Variants in PTPRU observed in about 807,000 individuals in gnomAD.
The protein encoded by PTPRU is protein tyrosine phosphatase receptor type U.
Under a neutral mutation model 166.3 loss-of-function variants are expected in PTPRU, and 69 were observed. That is an observed-to-expected ratio of 0.41 (90% confidence interval 0.34 to 0.51). PTPRU has a LOEUF of 0.51. Among genes scored for constraint, PTPRU ranks in the 20% least tolerant of loss-of-function variants. PTPRU has a pLI of 0.09. For synonymous variants in PTPRU, 793 were observed against 814.0 expected, an observed-to-expected ratio of 0.97 and a Z score of 0.44; for missense variants, 1,657 against 2,013.7, an observed-to-expected ratio of 0.82 and a Z score of 3.39.
intron 12 of PTPRU, 148 bp downstream of exon 12, chr1:29,283,097 C>A: frequency 8.6e-7 from 1 of 1,157,980 alleles, no homozygotes; most frequent in Non-Finnish European, 1.2e-6. Context: ...ATAGCTCCTC[C>A]TCCTACAGCC....
At chr1:29,245,842 G>A (rs114857087) in intron 1 of PTPRU, among the ~76,000 whole-genome samples, 1 of 152,174 alleles carries the variant, frequency 6.6e-6, no homozygotes, top group Non-Finnish European at 1.5e-5. Flanking sequence ...TGGCCACATT[G>A]CATGTTTGTG....
intron 1 of PTPRU, among the ~76,000 whole-genome samples, chr1:29,243,325 C>T (rs1397241983): frequency 3.9e-5 from 6 of 152,202 alleles, no homozygotes; most frequent in African/African-American, 1.4e-4. Context: ...AAACCCAAAC[C>T]CTAGCATAGC....
chr1:29,296,972 C>T (rs1240432673), intron 15 of PTPRU, among the ~76,000 whole-genome samples: 2 of 151,226 alleles, frequency 1.3e-5, no homozygotes, highest in African/African-American at 4.9e-5. Flanking sequence ...CAGTGTTATG[C>T]ACTTATTAAT....
At chr1:29,288,391 GC>G (rs375014579) in intron 14 of PTPRU, among the ~76,000 whole-genome samples, 6 of 152,282 alleles carry the variant, frequency 3.9e-5, no homozygotes, top group African/African-American at 1.4e-4. Context: ...GGTGTTGGGG[GC>G]AAAGAGAATA....
intron 18 of PTPRU, among the ~76,000 whole-genome samples, chr1:29,309,551 G>A (rs1445688452): frequency 2.0e-5 from 3 of 152,158 alleles, no homozygotes; most frequent in African/African-American, 7.2e-5. Flanking sequence ...AATAGTAGTA[G>A]TAATAATAAT....
rs1358340585 is a variant in PTPRU, at chr1:29,326,584, GGTAGGACCA to G, written c.*926_*934del. 1 of 152,510 alleles carries G rather than the reference GGTAGGACCA, an allele frequency of 6.6e-6. No homozygotes were observed. The highest frequency in any genetic ancestry group is 1.9e-4 in the East Asian group (1 of 5,178). The allele number at this position is 152,510 out of a possible 1,614,324, so 9.4% of individuals were successfully genotyped here. ...ATACCCTCTGGAGTTCAGAGGAAGAGGTAGGACCAGTGCTTTTTTGTTTCTTTTGTTATT... is the reference window on the plus strand; with the variant it reads ...ATACCCTCTGGAGTTCAGAGGAAGAGGTGCTTTTTTGTTTCTTTTGTTATT... On this transcript the variant is annotated 3_prime_UTR_variant, in exon 30 of 30. Transcript: ENST00000373779.
At chr1:29,300,044 G>T (rs541587287) in intron 15 of PTPRU, among the ~76,000 whole-genome samples, 1 of 152,312 alleles carries the variant, frequency 6.6e-6, no homozygotes, top group South Asian at 2.1e-4. Context: ...CTCGCTGTGT[G>T]CCAGGCACGG....
intron 15 of PTPRU, among the ~76,000 whole-genome samples, chr1:29,294,775 A>G (rs1179792262): frequency 6.6e-6 from 1 of 152,082 alleles, no homozygotes; most frequent in Admixed American, 6.5e-5. Flanking sequence ...TATTTTTTCC[A>G]TGGTGATAAG....
At position 29,259,355 on chromosome 1, in the gene PTPRU, C is replaced by G; in HGVS notation, c.559+13C>G. 1 of 1,613,250 alleles carries G rather than the reference C, an allele frequency of 6.2e-7. No homozygotes were observed. The highest frequency in any genetic ancestry group is 1.1e-5 in the South Asian group (1 of 91,002). ...AGCTACCCCTGCGGTGAGTCCCAGC[C>G]CACTGGGGGCGCAGGGGTAAGGGGT... On this transcript the variant is annotated intron_variant, in intron 4 of 29. Coordinates refer to ENST00000373779, the MANE Select transcript of PTPRU (RefSeq NM_133178.4).
chr1:29,304,121 T>C (rs1414469781), intron 16 of PTPRU, 76 bp downstream of exon 16: 2 of 1,504,032 alleles, frequency 1.3e-6, no homozygotes, highest in East Asian at 2.3e-5. Flanking sequence ...ACTCTGACCC[T>C]GGCAACCCTC....
At chr1:29,285,936 C>G (rs190696290) in intron 14 of PTPRU, among the ~76,000 whole-genome samples, 6 of 152,232 alleles carry the variant, frequency 3.9e-5, no homozygotes, top group Non-Finnish European at 7.3e-5. Flanking sequence ...CAAGGCTACC[C>G]GGAGAGCCAG....
At chr1:29,252,930 G>A (rs1684619917) in intron 1 of PTPRU, among the ~76,000 whole-genome samples, 1 of 152,170 alleles carries the variant, frequency 6.6e-6, no homozygotes, top group Admixed American at 6.5e-5. Flanking sequence ...CCCATGGGTT[G>A]AGGGCTCAGT....
chr1:29,283,498 C>T (rs1342696126), intron 12 of PTPRU, among the ~76,000 whole-genome samples: 2 of 152,112 alleles, frequency 1.3e-5, no homozygotes, highest in Non-Finnish European at 2.9e-5. Flanking sequence ...AGATGCTTCT[C>T]TTCCCAGAGG....
chr1:29,313,669 A>C (rs941663385), intron 22 of PTPRU, among the ~76,000 whole-genome samples: 3 of 152,148 alleles, frequency 2.0e-5, no homozygotes, highest in African/African-American at 7.2e-5. Context: ...CAGCCTGGGC[A>C]ACATAGTGAG....
chr1:29,254,999 A>T (rs1308141922), intron 1 of PTPRU, among the ~76,000 whole-genome samples: 1 of 152,108 alleles, frequency 6.6e-6, no homozygotes, highest in East Asian at 1.9e-4. Flanking sequence ...AGGGTCTTTG[A>T]TGGATGACTG....
At chr1:29,243,064 A>AT (rs1470811712) in intron 1 of PTPRU, among the ~76,000 whole-genome samples, 2 of 151,932 alleles carry the variant, frequency 1.3e-5, no homozygotes, top group African/African-American at 4.8e-5. Context: ...CGCTCGGCTA[A>AT]TTTTTTGTAT....
At chr1:29,256,899 G>A (rs1165267418) in intron 2 of PTPRU, among the ~76,000 whole-genome samples, 1 of 152,140 alleles carries the variant, frequency 6.6e-6, no homozygotes, top group South Asian at 2.1e-4. Flanking sequence ...AGGGGAGAGG[G>A]GAATTTAGCA....
intron 15 of PTPRU, among the ~76,000 whole-genome samples, chr1:29,298,739 G>A (rs1408824989): frequency 1.3e-5 from 2 of 152,196 alleles, no homozygotes; most frequent in Non-Finnish European, 2.9e-5. Context: ...GAGCAGTGGG[G>A]ACAGCAGGGT....
chr1:29,261,492 C>T (rs1413301282), intron 7 of PTPRU, among the ~76,000 whole-genome samples: 1 of 152,074 alleles, frequency 6.6e-6, no homozygotes, highest in Non-Finnish European at 1.5e-5. Context: ...ATTGAGAACA[C>T]AATAGGTTTT....
Sources: allele counts gnomAD v4.1 joint callset (sites outside exome capture counted in the v4.1 genomes callset), GRCh38; gene constraint gnomAD v4.1.1; transcripts MANE v1.5; gene names NCBI Gene and HGNC (gene_info 2026-07-23, HGNC 2026-07-21).